Variants in SUFU observed in about 807,000 individuals in gnomAD.
SUFU encodes the protein SUFU negative regulator of hedgehog signaling, also known as suppressor of fused homolog.
In SUFU, 7 loss-of-function variants were observed where a neutral mutation model predicts 58.9. The observed-to-expected ratio is 0.12, with a 90% CI of 0.07 to 0.22. The LOEUF is 0.22. Among genes scored for constraint, SUFU ranks in the 10% least tolerant of loss-of-function variants. The probability of loss-of-function intolerance (pLI) is 1.00; values close to 1 mark genes in which losing one functional copy is unlikely to be tolerated. For synonymous variants in SUFU, 232 were observed against 254.8 expected, an observed-to-expected ratio of 0.91 and a Z score of 0.85; for missense variants, 451 against 641.3, an observed-to-expected ratio of 0.70 and a Z score of 3.20.
chr10:102,534,934 G>T (rs2062718451), intron 2 of SUFU, among the ~76,000 whole-genome samples: 1 of 152,134 alleles, frequency 6.6e-6, no homozygotes, highest in Admixed American at 6.6e-5. Flanking sequence ...GTATGTGTGT[G>T]CACTTAGAGG....
intron 8 of SUFU, among the ~76,000 whole-genome samples, chr10:102,603,329 T>G (rs1310227404): frequency 6.6e-6 from 1 of 152,034 alleles, no homozygotes; most frequent in Non-Finnish European, 1.5e-5. Context: ...ACCTGGCCTG[T>G]ATTTCTCTAA....
intron 3 of SUFU, among the ~76,000 whole-genome samples, chr10:102,561,171 C>T (rs868218937): frequency 6.6e-6 from 1 of 152,054 alleles, no homozygotes; most frequent in South Asian, 2.1e-4. Context: ...AGGATAAATT[C>T]CTTTAAATGG....
intron 6 of SUFU, 80 bp downstream of exon 6, chr10:102,594,145 A>T (rs1004947552): frequency 4.9e-6 from 7 of 1,414,498 alleles, no homozygotes; most frequent in Non-Finnish European, 7.0e-6. Context: ...CATCCTGGGA[A>T]AACAGAGGAC....
chr10:102,590,229 A>C (rs2063384170), intron 3 of SUFU, among the ~76,000 whole-genome samples: 1 of 141,242 alleles, frequency 7.1e-6, no homozygotes, highest in Non-Finnish European at 1.5e-5. Flanking sequence ...GCAGTGGCGC[A>C]ATCTCTGCTC....
intron 8 of SUFU, among the ~76,000 whole-genome samples, chr10:102,607,116 T>C (rs1286823959): frequency 6.6e-6 from 1 of 150,512 alleles, no homozygotes; most frequent in Non-Finnish European, 1.5e-5. Context: ...TGGAGTGCAG[T>C]GGTGTGATCT....
At chr10:102,557,628 A>G (rs758445728) in intron 3 of SUFU, among the ~76,000 whole-genome samples, 7 of 152,140 alleles carry the variant, frequency 4.6e-5, no homozygotes, top group Non-Finnish European at 4.4e-5. Flanking sequence ...TCAAAAACAA[A>G]AAACAAAGAA....
chr10:102,595,187 C>T (rs1160715004), intron 6 of SUFU, among the ~76,000 whole-genome samples: 2 of 152,194 alleles, frequency 1.3e-5, no homozygotes, highest in Non-Finnish European at 2.9e-5. Context: ...CAGGCAGTTG[C>T]CGGGAGTTCC....
intron 8 of SUFU, among the ~76,000 whole-genome samples, chr10:102,607,287 C>T (rs561415449): frequency 2.0e-5 from 3 of 152,100 alleles, no homozygotes; most frequent in Non-Finnish European, 2.9e-5. Flanking sequence ...TGAGCTCAAT[C>T]GATTTTCCCA....
At chr10:102,613,749 C>T (rs533031423) in intron 8 of SUFU, among the ~76,000 whole-genome samples, 32 of 152,204 alleles carry the variant, frequency 2.1e-4, no homozygotes, top group Admixed American at 3.9e-4. Context: ...CTGGCTGAGG[C>T]AGATTTGAGA....
At chr10:102,526,503 A>G (rs913239546) in intron 2 of SUFU, among the ~76,000 whole-genome samples, 5 of 151,996 alleles carry the variant, frequency 3.3e-5, no homozygotes, top group Non-Finnish European at 7.4e-5. Flanking sequence ...CAGTGAGCCA[A>G]GATCGTGCCA....
rs766984305 is a variant in SUFU at position 102,504,345 on chromosome 10, G to A, written c.182+11G>A. ...TATCGTCAAGTACTGGTATGCTCTG[G>A]GCCGCGGGGAGACGGACAGGCGCGG... is the stretch of plus-strand genomic sequence containing the variant. On this transcript the variant is annotated intron_variant, in intron 1 of 11. Transcript: ENST00000369902. 6.2e-6 allele frequency: 10 copies of A among 1,613,954 alleles called. No homozygotes were observed. In the African/African-American group the frequency reaches 1.3e-4, roughly 22 times the overall value.
chr10:102,606,713 G>A (rs1391664632), intron 8 of SUFU, among the ~76,000 whole-genome samples: 1 of 152,162 alleles, frequency 6.6e-6, no homozygotes, highest in Non-Finnish European at 1.5e-5. Context: ...TAGTTTGCCT[G>A]GAAACCCCTG....
intron 3 of SUFU, among the ~76,000 whole-genome samples, chr10:102,566,428 G>A (rs997141915): frequency 6.6e-6 from 1 of 151,996 alleles, no homozygotes; most frequent in Non-Finnish European, 1.5e-5. Context: ...TCAGGAATTC[G>A]AGACCAGCGG....
chr10:102,573,151 C>G (rs1414179040), intron 3 of SUFU: 1 of 774,264 alleles, frequency 1.3e-6, no homozygotes, highest in African/African-American at 1.7e-5. Context: ...ACACTGCCTT[C>G]TTGGCCTTCA....
chr10:102,554,478 G>A, intron 3 of SUFU, among the ~76,000 whole-genome samples: 1 of 152,312 alleles, frequency 6.6e-6, no homozygotes, highest in East Asian at 1.9e-4. Context: ...ATACACCCAT[G>A]TAACCAGCAC....
chr10:102,616,912 A>G lies in SUFU; in HGVS notation c.1158-378A>G, dbSNP rs1305090094. Among the ~76,000 whole-genome samples the G allele has an allele frequency of 2.0e-5, 3 of 152,204 alleles. 1 individual carries two copies. Among genetic ancestry groups the G allele is most frequent in the Non-Finnish European group, 4.4e-5 (3 of 67,996 alleles). Reference sequence around the variant, plus strand: ...AGACGCTACTTCACCTCCGTCCCCTAAGGGGGGATGTGACCCCCCTCTTAC... The same window carrying G: ...AGACGCTACTTCACCTCCGTCCCCTGAGGGGGGATGTGACCCCCCTCTTAC... On this transcript the variant is annotated intron_variant, in intron 9 of 11. Transcript: ENST00000369902.
intron 3 of SUFU, among the ~76,000 whole-genome samples, chr10:102,591,965 G>A (rs2135864629): frequency 6.6e-6 from 1 of 152,320 alleles, no homozygotes; most frequent in South Asian, 2.1e-4. Context: ...ATGGCCTGAG[G>A]ATCCTCATGA....
At chr10:102,503,449 C>T (rs1020588816), upstream of SUFU, among the ~76,000 whole-genome samples, 3 of 152,152 alleles carry the variant, frequency 2.0e-5, no homozygotes, top group African/African-American at 7.2e-5. Flanking sequence ...AGAATTGACA[C>T]TGATGGTTGA....
Position 102,540,055 on chromosome 10 carries a change from T to G in SUFU, c.318-9915T>G, listed in dbSNP as rs770055075. Among the ~76,000 whole-genome samples, 85 of 152,186 alleles carry G rather than the reference T, an allele frequency of 5.6e-4. 1 individual carries two copies. Among genetic ancestry groups the G allele is most frequent in the Non-Finnish European group, 2.1e-4 (14 of 68,038 alleles). ...TGGCTTCTCTCTACTTTTGGCATGT[T>G]CCCATCATTCTCTGAACCACTTCCT... On this transcript the variant is annotated intron_variant, in intron 2 of 11. Transcript: ENST00000369902.
Sources: gnomAD v4.1 joint callset for allele counts (sites outside exome capture counted in the v4.1 genomes callset) on GRCh38, gnomAD v4.1.1 for gene constraint, MANE v1.5 for transcripts, NCBI Gene and HGNC (gene_info 2026-07-23, HGNC 2026-07-21) for gene names.